The following ZMAT4 variants were observed in gnomAD, a reference collection of about 807,000 sequenced individuals.
The protein encoded by ZMAT4 is zinc finger matrin-type 4.
In ZMAT4, 17 loss-of-function variants were observed where a neutral mutation model predicts 28.7. That is an observed-to-expected ratio of 0.59 (90% CI 0.41 to 0.89). The LOEUF (loss-of-function observed/expected upper bound fraction) is 0.89, where lower values mean the gene tolerates loss of function less well. Ranked by LOEUF, ZMAT4 falls within the 40% of genes least tolerant of loss-of-function variation. The pLI is 0.00. For missense variants in ZMAT4, 240 were observed against 283.8 expected, an observed-to-expected ratio of 0.85 and a Z score of 1.11; for synonymous variants, 117 against 109.2, an observed-to-expected ratio of 1.07 and a Z score of -0.44.
intron 1 of ZMAT4, among the ~76,000 whole-genome samples, chr8:40,854,974 T>G (rs752695599): frequency 6.6e-6 from 1 of 152,132 alleles, no homozygotes; most frequent in South Asian, 2.1e-4. Context: ...ATTGATTTAA[T>G]GAAAGATCAA....
intron 1 of ZMAT4, among the ~76,000 whole-genome samples, chr8:40,881,756 T>C (rs1221238637): frequency 1.3e-5 from 2 of 152,078 alleles, no homozygotes; most frequent in Non-Finnish European, 2.9e-5. Context: ...ATTCTTTTCC[T>C]TGTAGGAGGT....
chr8:40,787,123 G>A (rs942153372), intron 2 of ZMAT4, among the ~76,000 whole-genome samples: 1 of 152,150 alleles, frequency 6.6e-6, no homozygotes, highest in Admixed American at 6.5e-5. Flanking sequence ...TTCATTATAT[G>A]GAGACTTTGA....
At chr8:40,807,619 T>G (rs1461375968) in intron 2 of ZMAT4, among the ~76,000 whole-genome samples, 1 of 152,212 alleles carries the variant, frequency 6.6e-6, no homozygotes, top group Non-Finnish European at 1.5e-5. Flanking sequence ...ATTCACATTT[T>G]AGCTACAGGA....
At chr8:40,709,388 C>G (rs1163750057) in intron 3 of ZMAT4, among the ~76,000 whole-genome samples, 1 of 151,956 alleles carries the variant, frequency 6.6e-6, no homozygotes, top group African/African-American at 2.4e-5. Context: ...CAACCCAAAA[C>G]AATCAACACA....
chr8:40,825,326 G>A (rs1355197003), intron 2 of ZMAT4, among the ~76,000 whole-genome samples: 2 of 152,006 alleles, frequency 1.3e-5, no homozygotes, highest in Middle Eastern at 3.2e-3. Flanking sequence ...GAGTCTCCAG[G>A]GGCTGAGATA....
intron 3 of ZMAT4, among the ~76,000 whole-genome samples, chr8:40,732,698 T>C (rs941272961): frequency 6.6e-6 from 1 of 152,158 alleles, no homozygotes; most frequent in Non-Finnish European, 1.5e-5. Context: ...TCCAACGTTA[T>C]GGGGTAGGCC....
At chr8:40,598,006 A>G (rs1369944990) in intron 5 of ZMAT4, among the ~76,000 whole-genome samples, 1 of 152,148 alleles carries the variant, frequency 6.6e-6, no homozygotes, top group Non-Finnish European at 1.5e-5. Context: ...TGCCTTTTCC[A>G]AAAGGGGATG....
intron 5 of ZMAT4, among the ~76,000 whole-genome samples, chr8:40,667,367 G>T (rs1808462951): frequency 6.6e-6 from 1 of 152,064 alleles, no homozygotes; most frequent in Non-Finnish European, 1.5e-5. Context: ...TGTTAATCAG[G>T]ATGGTCTCAG....
At chr8:40,660,435 C>T (rs1808136708) in intron 5 of ZMAT4, among the ~76,000 whole-genome samples, 2 of 152,118 alleles carry the variant, frequency 1.3e-5, no homozygotes, top group African/African-American at 4.8e-5. Flanking sequence ...TTAGAAGTTT[C>T]CTGAAGGAAA....
At chr8:40,766,503 T>TA (rs112788488) in intron 3 of ZMAT4, among the ~76,000 whole-genome samples, 11 of 151,368 alleles carry the variant, frequency 7.3e-5, no homozygotes, top group East Asian at 1.9e-4. Flanking sequence ...CGCTAAGGGC[T>TA]AAAAAAAAAC....
At chr8:40,688,360 G>A (rs1038848277) in intron 4 of ZMAT4, among the ~76,000 whole-genome samples, 11 of 152,134 alleles carry the variant, frequency 7.2e-5, no homozygotes, top group African/African-American at 2.4e-4. Flanking sequence ...GGAGGCTGAG[G>A]CAGGAGAATT....
chr8:40,858,169 C>T lies in ZMAT4; in HGVS notation c.-4-32489G>A, dbSNP rs541459317. Among the ~76,000 whole-genome samples the T allele has an allele frequency of 2.5e-3, 380 of 152,214 alleles. 2 individuals are homozygous for T. Among genetic ancestry groups the T allele is most frequent in the African/African-American group, 8.6e-3 (356 of 41,538 alleles). On this transcript the variant is annotated intron_variant, in intron 1 of 6. Coordinates refer to ENST00000297737, the MANE Select transcript of ZMAT4 (RefSeq NM_024645.3). ...AATAGACCTCAATACTTTTTTCACA[C>T]GAGAAGACATGAAAACGGGAATGTC...
chr8:40,737,441 T>C (rs1346657892), intron 3 of ZMAT4, among the ~76,000 whole-genome samples: 2 of 151,440 alleles, frequency 1.3e-5, no homozygotes, highest in Non-Finnish European at 1.5e-5. Flanking sequence ...TGGTCAGAAA[T>C]AGAAGGAAAA....
chr8:40,707,761 G>T (rs1437318019), intron 3 of ZMAT4, among the ~76,000 whole-genome samples: 1 of 152,006 alleles, frequency 6.6e-6, no homozygotes, highest in Non-Finnish European at 1.5e-5. Flanking sequence ...TATATTTGAT[G>T]TTTTTTCACT....
intron 5 of ZMAT4, among the ~76,000 whole-genome samples, chr8:40,658,619 T>TACACACACACACACACAC (rs3038825): frequency 1.2e-4 from 17 of 145,590 alleles, no homozygotes; most frequent in African/African-American, 3.9e-4. Context: ...GTTAGACACA[T>TACACACACACACACACAC]ACACACACAC....
At chr8:40,830,226 G>A (rs1816230394) in intron 1 of ZMAT4, among the ~76,000 whole-genome samples, 1 of 152,120 alleles carries the variant, frequency 6.6e-6, no homozygotes, top group South Asian at 2.1e-4. Flanking sequence ...ACAGGTGCTT[G>A]TTTGTTACAT....
intron 5 of ZMAT4, among the ~76,000 whole-genome samples, chr8:40,618,008 T>C (rs1358278950): frequency 6.6e-6 from 1 of 152,192 alleles, no homozygotes; most frequent in African/African-American, 2.4e-5. Flanking sequence ...TCTCTCAAAT[T>C]CTACCACACT....
intron 3 of ZMAT4, among the ~76,000 whole-genome samples, chr8:40,763,284 A>G (rs189505747): frequency 1.3e-5 from 2 of 152,286 alleles, no homozygotes; most frequent in East Asian, 3.9e-4. Flanking sequence ...GAGCTAGTTT[A>G]CAGTATCAGA....
chr8:40,851,251 C>G (rs923725403), intron 1 of ZMAT4, among the ~76,000 whole-genome samples: 1 of 152,118 alleles, frequency 6.6e-6, no homozygotes, highest in Non-Finnish European at 1.5e-5. Flanking sequence ...TCGCTTGAAC[C>G]CAGGAGGCGG....
Sources: allele counts gnomAD v4.1 joint callset (sites outside exome capture counted in the v4.1 genomes callset), GRCh38; gene constraint gnomAD v4.1.1; transcripts MANE v1.5; gene names NCBI Gene and HGNC (gene_info 2026-07-23, HGNC 2026-07-21).